Variants in TRAPPC6A observed in about 807,000 individuals in gnomAD.
TRAPPC6A encodes the protein trafficking protein particle complex subunit 6A, also known as TRAPP complex subunit 6A.
In TRAPPC6A, 25 loss-of-function variants were observed where a neutral mutation model predicts 20.8. The observed-to-expected ratio is 1.20, with a 90% CI of 0.88 to 1.68. The LOEUF (loss-of-function observed/expected upper bound fraction) is 1.68. TRAPPC6A is among the 40% of genes most tolerant of loss of function. The pLI is 0.00. For missense variants in TRAPPC6A, 215 were observed against 211.6 expected (o/e 1.02, Z -0.10); for synonymous variants, 96 against 93.3 (o/e 1.03, Z -0.16).
intron 1 of TRAPPC6A, among the ~76,000 whole-genome samples, chr19:45,168,413 G>A (rs1969205026): frequency 6.6e-6 from 1 of 152,220 alleles, no homozygotes; most frequent in African/African-American, 2.4e-5. Flanking sequence ...AGGGCCAAAA[G>A]CAGGAATGGA....
At chr19:45,165,259 G>T in intron 1 of TRAPPC6A, 65 bp from the exon 2 acceptor site, 1 of 1,500,754 alleles carries the variant, frequency 6.7e-7, no homozygotes. Context: ...CCACCCAGGG[G>T]GGGACCTGCC....
chr19:45,169,629 G>A (rs985672291), intron 1 of TRAPPC6A, among the ~76,000 whole-genome samples: 1 of 152,202 alleles, frequency 6.6e-6, no homozygotes, highest in Non-Finnish European at 1.5e-5. Context: ...GAGGGATGAA[G>A]CCCTTGGCTG....
At chr19:45,167,066 T>C (rs1258656807) in intron 1 of TRAPPC6A, among the ~76,000 whole-genome samples, 1 of 152,098 alleles carries the variant, frequency 6.6e-6, no homozygotes, top group Non-Finnish European at 1.5e-5. Context: ...TCCCCAGCCC[T>C]GCCCACTGCA....
intron 1 of TRAPPC6A, among the ~76,000 whole-genome samples, chr19:45,174,799 G>A (rs777171971): frequency 2.0e-5 from 3 of 152,032 alleles, no homozygotes; most frequent in African/African-American, 7.2e-5. Flanking sequence ...ACTGCACTCC[G>A]GCTTGGGTGA....
In TRAPPC6A at chr19:45,173,072, A is replaced by G. The variant is rs1407070333; in HGVS notation, c.84+5063T>C. Among the ~76,000 whole-genome samples the G allele has an allele frequency of 6.6e-6, 1 of 151,532 alleles. No homozygotes were observed. Among genetic ancestry groups the G allele is most frequent in the Non-Finnish European group, 1.5e-5 (1 of 68,012 alleles). ...GATGGAGGCCTGGCGCAGCAGGGCT[A>G]TTCTCGGGGCGCCTCGGGCCTGGTC... is the stretch of plus-strand genomic sequence containing the variant. On this transcript the variant is annotated intron_variant, in intron 1 of 5. Coordinates refer to ENST00000585934, the MANE Select transcript of TRAPPC6A (RefSeq NM_001270891.2). This position sits in a 1 kb window ranked among gnomAD's most constrained non-coding sequence, Gnocchi z 4.8.
At chr19:45,164,355 C>A in intron 3 of TRAPPC6A, 108 bp from the exon 4 acceptor site, 1 of 740,628 alleles carries the variant, frequency 1.4e-6, no homozygotes. Flanking sequence ...TGGGAAGGCC[C>A]CCTTCCTGAG....
rs555345777 is a variant in TRAPPC6A at position 45,172,015 on chromosome 19, C to A, written c.84+6120G>T. Among the ~76,000 whole-genome samples, 1 of 152,110 alleles carries A rather than the reference C, an allele frequency of 6.6e-6. No individual in the cohort carries two copies. The highest frequency in any genetic ancestry group is 2.1e-4 in the South Asian group (1 of 4,822). On this transcript the variant is annotated intron_variant, in intron 1 of 5. Transcript: ENST00000585934. This position sits in a 1 kb window ranked among gnomAD's most constrained non-coding sequence, Gnocchi z 4.2. ...CAAAGCCTCTGAGGTAGAAAAGCCA[C>A]GGCTGCTTCCTCCAAGGGCTTCTCC...
In TRAPPC6A at chr19:45,163,352, G is replaced by A. The variant is rs961995158; in HGVS notation, c.449-129C>T. The A allele has an allele frequency of 1.1e-5, 11 of 968,890 alleles. No individual in the cohort carries two copies. Among genetic ancestry groups the A allele is most frequent in the East Asian group, 5.2e-5 (2 of 38,336 alleles). The allele number at this position is 968,890 out of a possible 1,614,324, so 60.0% of individuals were successfully genotyped here. A position where few individuals can be genotyped will look rare whatever the true frequency, so the allele number is the denominator to read the frequency against. On this transcript the variant is annotated intron_variant, in intron 5 of 5. Transcript: ENST00000585934. This position sits in a 1 kb window ranked among gnomAD's most constrained non-coding sequence, Gnocchi z 5.3. ...TGGCTAGGTTGGGCTGTTTCCTCCC[G>A]CCCACGGGGCCGCATCCCTGAGCTG...
At chr19:45,167,643 C>T (rs953441802) in intron 1 of TRAPPC6A, among the ~76,000 whole-genome samples, 16 of 152,178 alleles carry the variant, frequency 1.1e-4, no homozygotes, top group African/African-American at 3.4e-4. Flanking sequence ...CCACCACGCC[C>T]GGTTAATTTT....
intron 1 of TRAPPC6A, among the ~76,000 whole-genome samples, chr19:45,166,942 C>T (rs1293099161): frequency 1.3e-5 from 2 of 152,172 alleles, no homozygotes; most frequent in African/African-American, 2.4e-5. Flanking sequence ...TTGCAGCCTG[C>T]GGGCCCAGCT....
At chr19:45,168,065 C>G (rs887623266) in intron 1 of TRAPPC6A, among the ~76,000 whole-genome samples, 3 of 142,958 alleles carry the variant, frequency 2.1e-5, no homozygotes, top group Non-Finnish European at 4.5e-5. Flanking sequence ...TGCAGTGGCG[C>G]AATCTCGGCT....
rs1412207965 is a variant in TRAPPC6A, at chr19:45,163,469, C to T, written c.449-246G>A. Among the ~76,000 whole-genome samples, 1 of 152,058 alleles carries T rather than the reference C, an allele frequency of 6.6e-6. No individual in the cohort carries two copies. Among genetic ancestry groups the T allele is most frequent in the Non-Finnish European group, 1.5e-5 (1 of 67,968 alleles). On this transcript the variant is annotated intron_variant, in intron 5 of 5. Transcript: ENST00000585934. The surrounding 1 kb of genome is among the most constrained non-coding windows in gnomAD (Gnocchi z 5.3). ...TGGTATGCATTGCTCGGTCCTACCC[C>T]ACGGGGGCCCCGGGGGCCCCCATGA...
intron 2 of TRAPPC6A, 63 bp from the exon 3 acceptor site, chr19:45,165,033 C>A: frequency 1.9e-6 from 3 of 1,609,970 alleles, no homozygotes; most frequent in Non-Finnish European, 2.6e-6. Flanking sequence ...GAAGACAGGC[C>A]CGACTCCTGC....
At position 45,173,078 on chromosome 19, in the gene TRAPPC6A, G is replaced by A. The variant is rs1040162262; in HGVS notation, c.84+5057C>T. 6.6e-6 allele frequency among the ~76,000 whole-genome samples: 1 copy of A among 151,606 alleles called. No individual in the cohort carries two copies. On this transcript the variant is annotated intron_variant, in intron 1 of 5. Transcript: ENST00000585934. The surrounding 1 kb of genome is among the most constrained non-coding windows in gnomAD (Gnocchi z 4.8). Reference sequence around the variant, plus strand: ...GGCCTGGCGCAGCAGGGCTATTCTCGGGGCGCCTCGGGCCTGGTCTCAGAC... The same window carrying A: ...GGCCTGGCGCAGCAGGGCTATTCTCAGGGCGCCTCGGGCCTGGTCTCAGAC...
At chr19:45,164,688 C>T in intron 3 of TRAPPC6A, 165 bp downstream of exon 3, 1 of 672,928 alleles carries the variant, frequency 1.5e-6, no homozygotes, top group Non-Finnish European at 2.6e-6. Flanking sequence ...AGCGCAGCCT[C>T]CTGGCTTCCC....
intron 1 of TRAPPC6A, 91 bp downstream of exon 1, chr19:45,178,044 G>A: frequency 6.3e-7 from 1 of 1,591,522 alleles, no homozygotes; most frequent in East Asian, 2.3e-5. Flanking sequence ...GCTGGGCCGG[G>A]TTCGAACCCG....
At chr19:45,166,210 C>T (rs749990343) in intron 1 of TRAPPC6A, among the ~76,000 whole-genome samples, 31 of 150,060 alleles carry the variant, frequency 2.1e-4, no homozygotes, top group Admixed American at 1.5e-3. Context: ...CCGCGCCTGG[C>T]GAGTTTTCTT....
At chr19:45,178,069 C>T (rs780809674) in intron 1 of TRAPPC6A, 66 bp downstream of exon 1, 22 of 1,608,210 alleles carry the variant, frequency 1.4e-5, no homozygotes, top group Admixed American at 1.7e-5. Flanking sequence ...CCTGACGCGC[C>T]CTCCGCTCTC....
intron 1 of TRAPPC6A, among the ~76,000 whole-genome samples, chr19:45,177,842 G>T (rs1364787111): frequency 6.6e-6 from 1 of 152,192 alleles, no homozygotes; most frequent in African/African-American, 2.4e-5. Flanking sequence ...CTAGTAAGTG[G>T]GGGAGGCGAG....
Sources: allele counts gnomAD v4.1 joint callset (sites outside exome capture counted in the v4.1 genomes callset), GRCh38; gene constraint gnomAD v4.1.1; non-coding constraint Gnocchi (gnomAD v3.1); transcripts MANE v1.5; gene names NCBI Gene and HGNC (gene_info 2026-07-23, HGNC 2026-07-21).